CCDC83: variants seen among roughly 807,000 people sequenced by gnomAD.
CCDC83 encodes the protein coiled-coil domain-containing protein 83.
A neutral mutation model predicts 50.1 loss-of-function variants in CCDC83; 54 were observed. The observed-to-expected ratio is 1.08, with a 90% CI of 0.87 to 1.35. CCDC83 has a LOEUF of 1.35. Among genes scored for constraint, CCDC83 ranks in the 40% most tolerant of loss-of-function variants. The pLI, the probability that CCDC83 is intolerant of heterozygous loss-of-function variation, is 0.00. For missense variants in CCDC83, 518 were observed against 473.9 expected (o/e 1.09, Z -0.86); for synonymous variants, 161 against 153.3 (o/e 1.05, Z -0.37).
At chr11:85,857,304 A>T (rs987758840) in intron 1 of CCDC83, among the ~76,000 whole-genome samples, 1 of 152,228 alleles carries the variant, frequency 6.6e-6, no homozygotes, top group Admixed American at 6.5e-5. Flanking sequence ...CCTGGGTGCC[A>T]AGCTGCAGTG....
intron 10 of CCDC83, among the ~76,000 whole-genome samples, chr11:85,916,981 C>T (rs1330473652): frequency 2.0e-5 from 3 of 151,408 alleles, no homozygotes; most frequent in African/African-American, 4.9e-5. Context: ...CATGGTGGTG[C>T]GTGCCTGTAA....
At chr11:85,885,052 T>G (rs906468634) in intron 4 of CCDC83, among the ~76,000 whole-genome samples, 8 of 152,018 alleles carry the variant, frequency 5.3e-5, no homozygotes, top group Admixed American at 1.3e-4. Context: ...CTGTCTCTAC[T>G]AAAAATACAA....
At chr11:85,863,772 G>A (rs957943216) in intron 1 of CCDC83, among the ~76,000 whole-genome samples, 3 of 152,170 alleles carry the variant, frequency 2.0e-5, no homozygotes, top group African/African-American at 7.2e-5. Context: ...GTCTTTCCAC[G>A]CATCATCGTA....
intron 1 of CCDC83, among the ~76,000 whole-genome samples, chr11:85,862,193 C>T (rs1207524725): frequency 6.6e-6 from 1 of 151,894 alleles, no homozygotes; most frequent in African/African-American, 2.4e-5. Context: ...AAACTTCTGG[C>T]TTTTCACTGA....
At chr11:85,881,992 T>C (rs938091644) in intron 3 of CCDC83, among the ~76,000 whole-genome samples, 4 of 152,092 alleles carry the variant, frequency 2.6e-5, no homozygotes, top group Non-Finnish European at 5.9e-5. Context: ...GCCCTCTTTC[T>C]CTCCCTCTAA....
At chr11:85,884,063 C>G (rs12361645) in intron 4 of CCDC83, among the ~76,000 whole-genome samples, 33,867 of 152,086 alleles carry the variant, frequency 0.22, 4,159 homozygotes, top group Middle Eastern at 0.26. Flanking sequence ...GGATGCTCAG[C>G]TGTGCTCGCT....
At chr11:85,860,985 TAAATTGTGGGGAAAAAAAAAAGTAC>T (rs1452567022) in intron 1 of CCDC83, among the ~76,000 whole-genome samples, 1 of 135,778 alleles carries the variant, frequency 7.4e-6, no homozygotes, top group Non-Finnish European at 1.6e-5. Flanking sequence ...TTACAAGCCA[TAAATTGTGGGGAAAAAAAAAAGTAC>T]AAATTGTGGG....
chr11:85,912,871 T>C, intron 8 of CCDC83: 1 of 661,260 alleles, frequency 1.5e-6, no homozygotes, highest in South Asian at 1.8e-5. Flanking sequence ...CAACTCAGTC[T>C]GGTATATTTG....
intron 7 of CCDC83, among the ~76,000 whole-genome samples, chr11:85,902,786 C>T (rs2093408045): frequency 6.6e-6 from 1 of 152,176 alleles, no homozygotes; most frequent in South Asian, 2.1e-4. Context: ...TCCAAGCACA[C>T]TCAAATCTGG....
At chr11:85,915,567 A>C in intron 9 of CCDC83, 69 bp downstream of exon 9, 1 of 1,126,048 alleles carries the variant, frequency 8.9e-7, no homozygotes. Flanking sequence ...AAAAACACTT[A>C]CCTATTGTGA....
chr11:85,913,935 A>G (rs1445496), intron 8 of CCDC83, among the ~76,000 whole-genome samples: 89,215 of 152,078 alleles, frequency 0.59, 26,418 homozygotes, highest in Non-Finnish European at 0.59. Flanking sequence ...GTAAACTAGC[A>G]ATTAATAGAA....
chr11:85,894,203 G>A (rs1394600889), intron 5 of CCDC83, among the ~76,000 whole-genome samples: 1 of 152,116 alleles, frequency 6.6e-6, no homozygotes, highest in Non-Finnish European at 1.5e-5. Flanking sequence ...ATCCTAAATG[G>A]AAATAAGGTT....
chr11:85,861,116 A>C (rs749494534), intron 1 of CCDC83, among the ~76,000 whole-genome samples: 2 of 152,228 alleles, frequency 1.3e-5, no homozygotes, highest in Non-Finnish European at 2.9e-5. Flanking sequence ...CTCTTTTTGA[A>C]TTCCCAAGAT....
chr11:85,878,774 A>G (rs1565139248), intron 3 of CCDC83, among the ~76,000 whole-genome samples: 2 of 152,158 alleles, frequency 1.3e-5, no homozygotes, highest in African/African-American at 2.4e-5. Flanking sequence ...AACTGGCTGT[A>G]CCTTTTACAT....
At chr11:85,917,270 GGAAGGAAA>G (rs1380494924) in intron 10 of CCDC83, among the ~76,000 whole-genome samples, 11 of 75,628 alleles carry the variant, frequency 1.5e-4, no homozygotes, top group East Asian at 6.0e-4. Flanking sequence ...AAGGAAGGAA[GGAAGGAAA>G]GAAGGAAGGA....
At position 85,892,431 on chromosome 11, in the gene CCDC83, C is replaced by T. The variant is rs186490175; in HGVS notation, c.512-2862C>T. On this transcript the variant is annotated intron_variant, in intron 5 of 10. Transcript: ENST00000342404. Reference sequence around the variant, plus strand: ...ATGAGATTCTCACATTCACCCTTGTCCTGGGTACTGTGTTTTTAAGAAGAA... The same window carrying T: ...ATGAGATTCTCACATTCACCCTTGTTCTGGGTACTGTGTTTTTAAGAAGAA... Among the ~76,000 whole-genome samples the T allele has an allele frequency of 1.8e-4, 28 of 152,220 alleles. 1 individual carries two copies. The highest frequency in any genetic ancestry group is 6.0e-4 in the African/African-American group (25 of 41,530).
chr11:85,877,792 A>T (rs1223153310), intron 3 of CCDC83, among the ~76,000 whole-genome samples: 1 of 152,178 alleles, frequency 6.6e-6, no homozygotes, highest in Non-Finnish European at 1.5e-5. Flanking sequence ...AAAATCAGAT[A>T]TCTTTACTTA....
chr11:85,866,404 A>G (rs2093206966), intron 2 of CCDC83, among the ~76,000 whole-genome samples: 1 of 152,150 alleles, frequency 6.6e-6, no homozygotes, highest in Non-Finnish European at 1.5e-5. Flanking sequence ...AAAAAAAATG[A>G]CAGGGTGGTA....
chr11:85,893,241 G>T (rs2093358147), intron 5 of CCDC83, among the ~76,000 whole-genome samples: 1 of 152,216 alleles, frequency 6.6e-6, no homozygotes, highest in Non-Finnish European at 1.5e-5. Flanking sequence ...ATACAGTAAT[G>T]AAAAGATATG....
Sources: gnomAD v4.1 joint callset for allele counts (sites outside exome capture counted in the v4.1 genomes callset) on GRCh38, gnomAD v4.1.1 for gene constraint, MANE v1.5 for transcripts, NCBI Gene and HGNC (gene_info 2026-07-23, HGNC 2026-07-21) for gene names.